The following ABCC1 variants were observed in gnomAD, a reference collection of about 807,000 sequenced individuals.
The protein encoded by ABCC1 is multidrug resistance-associated protein 1.
In ABCC1, 83 loss-of-function variants were observed where a neutral mutation model predicts 172.9. The observed-to-expected ratio is 0.48, with a 90% CI of 0.40 to 0.58. The LOEUF (loss-of-function observed/expected upper bound fraction) is 0.58, where lower values mean the gene tolerates loss of function less well. Among genes scored for constraint, ABCC1 ranks in the 20% least tolerant of loss-of-function variants. The pLI, the probability that ABCC1 is intolerant of heterozygous loss-of-function variation, is 0.00. For missense variants in ABCC1, 1,817 were observed against 2,002.7 expected (o/e 0.91, Z 1.77); for synonymous variants, 937 against 825.2 (o/e 1.14, Z -2.32).
At chr16:16,095,998 G>A (rs541577004) in intron 19 of ABCC1, among the ~76,000 whole-genome samples, 1 of 152,250 alleles carries the variant, frequency 6.6e-6, no homozygotes, top group East Asian at 1.9e-4. Flanking sequence ...GAAAAAAGGT[G>A]GCTCATATGT....
chr16:16,031,989 A>T (rs960306570), intron 5 of ABCC1, among the ~76,000 whole-genome samples: 4 of 151,962 alleles, frequency 2.6e-5, no homozygotes, highest in Non-Finnish European at 5.9e-5. Context: ...AAGTTAAATT[A>T]AATTTTATTT....
In ABCC1 at chr16:16,105,219, A is replaced by T. The variant is rs370617620; in HGVS notation, c.2736-1519A>T. Reference sequence around the variant, plus strand: ...CTTACACAGCCTAAATTCTAGTGGGAGACTCCAGACAGTGCATGAGTGTAG... The same window carrying T: ...CTTACACAGCCTAAATTCTAGTGGGTGACTCCAGACAGTGCATGAGTGTAG... On this transcript the variant is annotated intron_variant, in intron 20 of 30. Coordinates refer to ENST00000399410, the MANE Select transcript of ABCC1 (RefSeq NM_004996.4). Among the ~76,000 whole-genome samples, 14 of 152,336 alleles carry T rather than the reference A, an allele frequency of 9.2e-5. No homozygotes were observed. The East Asian group carries it at 1.9e-3, about 21-fold the overall frequency.
In ABCC1 at chr16:16,019,794, C is replaced by T. The variant is rs75725358; in HGVS notation, c.615+3173C>T. On this transcript the variant is annotated intron_variant, in intron 5 of 30. Coordinates refer to ENST00000399410, the MANE Select transcript of ABCC1 (RefSeq NM_004996.4). ...GGTGACATGAAGCTCTCAGCTCTGG[C>T]GGCTAAAAGGCTACACTGTTGTGGG... 5.7e-3 allele frequency among the ~76,000 whole-genome samples: 874 copies of T among 152,210 alleles called. 10 individuals are homozygous for T. The highest frequency in any genetic ancestry group is 0.02 in the African/African-American group (831 of 41,526).
intron 1 of ABCC1, among the ~76,000 whole-genome samples, chr16:15,959,348 C>G (rs1342863891): frequency 6.6e-6 from 1 of 152,066 alleles, no homozygotes; most frequent in Non-Finnish European, 1.5e-5. Context: ...TCTTTTGAGA[C>G]AGGGTCTCCC....
At chr16:16,102,786 A>C (rs1020443147) in intron 20 of ABCC1, 69 bp downstream of exon 20, 2 of 1,434,814 alleles carry the variant, frequency 1.4e-6, no homozygotes, top group Non-Finnish European at 1.9e-6. Flanking sequence ...GAGGAGGAAC[A>C]AAAAAAGGCC....
At chr16:16,110,574 G>A (rs2052342346) in intron 21 of ABCC1, among the ~76,000 whole-genome samples, 1 of 151,704 alleles carries the variant, frequency 6.6e-6, no homozygotes, top group African/African-American at 2.4e-5. Flanking sequence ...ATTTTAGTAG[G>A]CAAGGGGTTT....
chr16:16,080,513 C>T (rs2050765154), intron 16 of ABCC1, among the ~76,000 whole-genome samples: 1 of 152,154 alleles, frequency 6.6e-6, no homozygotes, highest in Admixed American at 6.6e-5. Context: ...ATTTAGTTCA[C>T]TCCCCATGAA....
intron 7 of ABCC1, among the ~76,000 whole-genome samples, chr16:16,041,709 C>T (rs556287518): frequency 6.6e-6 from 1 of 152,078 alleles, no homozygotes; most frequent in Non-Finnish European, 1.5e-5. Flanking sequence ...ATCCTAGGCT[C>T]GGGGATCAGG....
chr16:16,130,248 T>A (rs1008421541), intron 26 of ABCC1, among the ~76,000 whole-genome samples: 2 of 152,178 alleles, frequency 1.3e-5, no homozygotes, highest in Non-Finnish European at 2.9e-5. Flanking sequence ...CCTGCCGGGG[T>A]GGGCAGCCAG....
chr16:16,007,995 A>C lies in ABCC1; in HGVS notation c.225+3A>C. 1 of 677,190 alleles carries C rather than the reference A, an allele frequency of 1.5e-6. No individual in the cohort carries two copies. The highest frequency in any genetic ancestry group is 2.3e-6 in the Non-Finnish European group (1 of 426,670). 41.9% of individuals were successfully genotyped at this position (677,190 alleles called of 1,614,324 possible). A position where few individuals can be genotyped will look rare whatever the true frequency, so the allele number is the denominator to read the frequency against. On this transcript the variant is annotated splice_donor_region_variant and intron_variant, in intron 2 of 30. Transcript: ENST00000399410. ...CACCTCTCAACAAAACCAAAACTGT[A>C]AGTCACTGGGGGGTTTCGTTGTGGG...
Position 15,991,124 on chromosome 16 carries a change from A to T in ABCC1, c.49-16692A>T, listed in dbSNP as rs146513213. ...GAGTGCAGATATCTCTTCAGGGCCC[A>T]TGTGTGGCTGAGATTAGGAGATCAC... On this transcript the variant is annotated intron_variant, in intron 1 of 30. Transcript: ENST00000399410. 7.9e-5 allele frequency among the ~76,000 whole-genome samples: 12 copies of T among 152,092 alleles called. No individual in the cohort carries two copies. The East Asian group carries it at 2.3e-3, about 29-fold the overall frequency.
intron 5 of ABCC1, among the ~76,000 whole-genome samples, chr16:16,017,212 T>C (rs1270087493): frequency 6.6e-6 from 1 of 152,182 alleles, no homozygotes; most frequent in African/African-American, 2.4e-5. Context: ...AAGGGAACAC[T>C]TTATTAATTT....
chr16:16,138,239 T>C (rs139211749), intron 29 of ABCC1, 125 bp from the exon 30 acceptor site: 18 of 767,204 alleles, frequency 2.3e-5, no homozygotes, highest in Non-Finnish European at 3.5e-5. Context: ...ATGTTGGGAG[T>C]GGACATGCTT....
At chr16:16,089,373 C>G (rs563341995) in intron 18 of ABCC1, among the ~76,000 whole-genome samples, 1 of 151,840 alleles carries the variant, frequency 6.6e-6, no homozygotes, top group African/African-American at 2.4e-5. Context: ...ATGATGAGAC[C>G]CCTGTCTTGA....
At chr16:16,129,425 G>T (rs2045584045) in intron 26 of ABCC1, among the ~76,000 whole-genome samples, 1 of 152,078 alleles carries the variant, frequency 6.6e-6, no homozygotes, top group Non-Finnish European at 1.5e-5. Context: ...AAGGCAGATG[G>T]ATCACTTGAG....
In ABCC1 at chr16:16,006,847, TGGTGGCGGTGGC is replaced by T. The variant is rs71134499; in HGVS notation, c.49-946_49-935del. On this transcript the variant is annotated intron_variant, in intron 1 of 30. Transcript: ENST00000399410. ...ACTGCAGTTTGGTTGTTATCCGTGG[TGGTGGCGGTGGC>T]GGTGGCGGTGGCGGTGGCGGTGATG... 5.7e-3 allele frequency among the ~76,000 whole-genome samples: 515 copies of T among 89,682 alleles called. 1 individual carries two copies. The highest frequency in any genetic ancestry group is 0.011 in the African/African-American group (359 of 31,892). The allele number at this position is 89,682 out of a possible 152,430, so 58.8% of individuals were successfully genotyped here. A position where few individuals can be genotyped will look rare whatever the true frequency, so the allele number is the denominator to read the frequency against.
At chr16:16,133,313 G>A (rs2045776741) in intron 27 of ABCC1, among the ~76,000 whole-genome samples, 1 of 152,156 alleles carries the variant, frequency 6.6e-6, no homozygotes, top group African/African-American at 2.4e-5. Context: ...TCTGTTCCCA[G>A]CAGATAATTT....
At chr16:16,053,469 C>G (rs577606667) in intron 11 of ABCC1, among the ~76,000 whole-genome samples, 102 of 151,344 alleles carry the variant, frequency 6.7e-4, no homozygotes, top group Non-Finnish European at 1.2e-3. Flanking sequence ...GTTTGAATAC[C>G]CAAGTAATAG....
Position 16,010,673 on chromosome 16 carries a change from G to A in ABCC1, c.351+772G>A, listed in dbSNP as rs180735854. On this transcript the variant is annotated intron_variant, in intron 3 of 30. Coordinates refer to ENST00000399410, the MANE Select transcript of ABCC1 (RefSeq NM_004996.4). ...TGTGTATTGAGCACTTACTATGTAT[G>A]TACCTGGCAGTATTCTTGGTGTTTC... Among the ~76,000 whole-genome samples the A allele has an allele frequency of 5.9e-5, 9 of 152,280 alleles. No homozygotes were observed. In the East Asian group the frequency reaches 1.7e-3, roughly 29 times the overall value.
Sources: gnomAD v4.1 joint callset for allele counts (sites outside exome capture counted in the v4.1 genomes callset) on GRCh38, gnomAD v4.1.1 for gene constraint, MANE v1.5 for transcripts, NCBI Gene and HGNC (gene_info 2026-07-23, HGNC 2026-07-21) for gene names.